Variants in SPACA6 observed in about 807,000 individuals in gnomAD.
SPACA6 encodes the protein sperm acrosome associated 6.
For synonymous variants in SPACA6, 6 were observed against 1.5 expected (o/e 4.05, Z -2.21); for missense variants, 8 against 2.8 (o/e 2.88, Z -1.34).
upstream of SPACA6, among the ~76,000 whole-genome samples, chr19:51,684,803 T>C (rs1384312660): frequency 3.9e-5 from 6 of 152,206 alleles, no homozygotes; most frequent in African/African-American, 1.4e-4. Flanking sequence ...CTGGGCCACA[T>C]GAGGCCCATG....
At chr19:51,704,006 C>A (rs576599431) in intron 6 of SPACA6, 24 bp from the exon 7 acceptor site, 16 of 400,780 alleles carry the variant, frequency 4.0e-5, no homozygotes, top group Non-Finnish European at 5.7e-5. Context: ...GGAGTTGAGG[C>A]GTTTAAACCC....
chr19:51,709,041 T>A (rs1278364029), downstream of SPACA6, among the ~76,000 whole-genome samples: 2 of 151,930 alleles, frequency 1.3e-5, no homozygotes, highest in African/African-American at 2.4e-5. Flanking sequence ...TGCTGCTGGC[T>A]GCTATAAAGT....
chr19:51,711,430 A>G (rs1418564597), intron 2 of SPACA6, among the ~76,000 whole-genome samples: 1 of 152,238 alleles, frequency 6.6e-6, no homozygotes, highest in Non-Finnish European at 1.5e-5. Context: ...ACCCTCATAC[A>G]TTGCTGGTGG....
chr19:51,705,553 A>C, downstream of SPACA6, among the ~76,000 whole-genome samples: 1 of 148,202 alleles, frequency 6.7e-6, no homozygotes, highest in African/African-American at 2.5e-5. Flanking sequence ...AGACTTTTTA[A>C]CTCCTAAATA....
At chr19:51,695,089 T>G (rs890126145) in intron 2 of SPACA6, among the ~76,000 whole-genome samples, 3 of 151,924 alleles carry the variant, frequency 2.0e-5, no homozygotes, top group Admixed American at 2.0e-4. Context: ...CACACACAGA[T>G]TTCTTATAAA....
At chr19:51,684,315 T>G (rs11670215), upstream of SPACA6, among the ~76,000 whole-genome samples, 32,814 of 152,072 alleles carry the variant, frequency 0.22, 4,382 homozygotes, top group East Asian at 0.66. Context: ...ACCTTTTTCT[T>G]AGATGTAAAC....
chr19:51,698,341 G>C (rs1024705015), intron 2 of SPACA6, among the ~76,000 whole-genome samples: 8 of 152,048 alleles, frequency 5.3e-5, no homozygotes, highest in Admixed American at 5.2e-4. Context: ...CTTATGGCCC[G>C]CTTGCTATAA....
chr19:51,711,354 T>G (rs1226168312), intron 2 of SPACA6, among the ~76,000 whole-genome samples: 1 of 152,154 alleles, frequency 6.6e-6, no homozygotes, highest in African/African-American at 2.4e-5. Flanking sequence ...ACTTCACACC[T>G]GCCAGGAAGG....
At chr19:51,689,716 G>C (rs1470216741), upstream of SPACA6, 1 of 151,422 alleles carries the variant, frequency 6.6e-6, no homozygotes, top group East Asian at 2.0e-4. Context: ...GTGGCTGGGA[G>C]CCCAGACTCC....
At chr19:51,702,556 A>T (rs1014598777) in intron 3 of SPACA6, 73 bp from the exon 4 acceptor site, 1 of 392,496 alleles carries the variant, frequency 2.5e-6, no homozygotes, top group African/African-American at 2.2e-5. Context: ...GCCTTGTAAC[A>T]TTAGCTAGGG....
At chr19:51,700,191 T>A (rs146018038) in intron 2 of SPACA6, among the ~76,000 whole-genome samples, 4,921 of 152,200 alleles carry the variant, frequency 0.032, 120 homozygotes, top group East Asian at 0.11. Context: ...GAGGTGGAAG[T>A]TGCAGTGAGC....
upstream of SPACA6, among the ~76,000 whole-genome samples, chr19:51,691,277 G>A (rs1481688928): frequency 6.6e-6 from 1 of 151,534 alleles, no homozygotes; most frequent in African/African-American, 2.4e-5. Flanking sequence ...AAGAGGGAGG[G>A]AAGGAGAGAG....
At chr19:51,686,305 C>G (rs1242855165), upstream of SPACA6, 4 of 152,212 alleles carry the variant, frequency 2.6e-5, no homozygotes, top group African/African-American at 7.2e-5. Flanking sequence ...TGAGCCCCTG[C>G]TCTGAGCCAT....
In SPACA6 at chr19:51,704,206, C is replaced by T. The variant is rs2083494841; in HGVS notation, c.730+20C>T. ...TTAACGGTGGGGCGGGGCGCGGCCG[C>T]GTGAGTGAGCGGGGTCGGGAGAGGG... On this transcript the variant is annotated intron_variant, in intron 7 of 8. Coordinates refer to ENST00000637797, the MANE Select transcript of SPACA6 (RefSeq NM_001316972.2). 2.5e-6 allele frequency: 1 copy of T among 400,878 alleles called. No homozygotes were observed. Among genetic ancestry groups the T allele is most frequent in the Non-Finnish European group, 4.4e-6 (1 of 226,056 alleles). 24.8% of individuals were successfully genotyped at this position (400,878 alleles called of 1,614,324 possible).
At position 51,704,018 on chromosome 19, in the gene SPACA6, C is replaced by G. The variant is rs1403963173; in HGVS notation, c.574-12C>G. 2 of 400,936 alleles carry G rather than the reference C, an allele frequency of 5.0e-6. No individual in the cohort carries two copies. Among genetic ancestry groups the G allele is most frequent in the Non-Finnish European group, 8.8e-6 (2 of 226,206 alleles). 24.8% of individuals were successfully genotyped at this position (400,936 alleles called of 1,614,324 possible). A position where few individuals can be genotyped will look rare whatever the true frequency, so the allele number is the denominator to read the frequency against. Reference sequence around the variant, plus strand: ...GCCGGAGTTGAGGCGTTTAAACCCGCGTGTCCCGCAGCTCCGGACTCAGGA... The same window carrying G: ...GCCGGAGTTGAGGCGTTTAAACCCGGGTGTCCCGCAGCTCCGGACTCAGGA... On this transcript the variant is annotated splice_polypyrimidine_tract_variant and intron_variant, in intron 6 of 8. Transcript: ENST00000637797.
At chr19:51,709,810 G>A (rs1056196272), downstream of SPACA6, among the ~76,000 whole-genome samples, 4 of 152,132 alleles carry the variant, frequency 2.6e-5, no homozygotes, top group Admixed American at 6.5e-5. Context: ...GAACAAGGTC[G>A]TGAGGAGCAG....
Position 51,703,255 on chromosome 19 carries a change from A to G in SPACA6, c.491A>G (p.Asp164Gly). 2.5e-6 allele frequency: 1 copy of G among 399,378 alleles called. No homozygotes were observed. The highest frequency in any genetic ancestry group is 4.4e-6 in the Non-Finnish European group (1 of 226,114). 24.7% of individuals were successfully genotyped at this position (399,378 alleles called of 1,614,324 possible). Residue 164 changes from aspartate (D) to glycine (G), a missense_variant, in exon 6 of 9, where the codon GAC (aspartate) becomes GGC (glycine). Coordinates refer to ENST00000637797, the MANE Select transcript of SPACA6 (RefSeq NM_001316972.2). The surrounding 1 kb of genome is among the most constrained non-coding windows in gnomAD (Gnocchi z 4.2). ...PVQDVTVTRGDQAMFSCIVNF... is the reference protein window; with the variant it reads ...PVQDVTVTRGGQAMFSCIVNF... ...CAGGATGTGACAGTGACTCGGGGCG[A>G]CCAGGCTATGTTTTCTTGCATCGTA...
At chr19:51,683,696 G>A in the SPACA6 span, among the ~76,000 whole-genome samples, 656 of 152,282 alleles carry the variant, frequency 4.3e-3, 3 homozygotes, top group Non-Finnish European at 7.3e-3. Flanking sequence ...TCTTTTATAT[G>A]GTTTATTGTG....
Position 51,694,549 on chromosome 19 carries a change from G to T in SPACA6, c.286G>T (p.Ala96Ser). The change falls in exon 2 of 9, where the codon GCC becomes TCC. Residue 96 changes from alanine (A) to serine (S), a missense_variant. Physicochemically the swap from Ala to Ser is moderately conservative, Grantham distance 99. Transcript: ENST00000637797. ...CCATGCCCTGCAGGAGCTGGCTGCT[G>T]CCCAGGGTGAGTGTGTGGGGATGGG... is the stretch of plus-strand genomic sequence containing the variant. Reference protein sequence around the residue: ...MTHALQELAAAQGSFEVAFPD... With the variant: ...MTHALQELAASQGSFEVAFPD... 5.0e-6 allele frequency: 2 copies of T among 399,680 alleles called. No individual in the cohort carries two copies. The highest frequency in any genetic ancestry group is 8.8e-6 in the Non-Finnish European group (2 of 226,518). 24.8% of individuals were successfully genotyped at this position (399,680 alleles called of 1,614,324 possible).
Sources: gnomAD v4.1 joint callset for allele counts (sites outside exome capture counted in the v4.1 genomes callset) on GRCh38, gnomAD v4.1.1 for gene constraint, Gnocchi (gnomAD v3.1) non-coding constraint, MANE v1.5 for transcripts, NCBI Gene and HGNC (gene_info 2026-07-23, HGNC 2026-07-21) for gene names.